Variants in ZC3H12B observed in about 807,000 individuals in gnomAD.
ZC3H12B encodes the protein zinc finger CCCH-type containing 12B, also known as probable ribonuclease ZC3H12B.
A neutral mutation model predicts 43.9 loss-of-function variants in ZC3H12B; 7 were observed. That is an observed-to-expected ratio of 0.16 (90% CI 0.09 to 0.30). ZC3H12B has a LOEUF of 0.30. Ranked by LOEUF, ZC3H12B falls within the 10% of genes least tolerant of loss-of-function variation. The pLI, the probability that ZC3H12B is intolerant of heterozygous loss-of-function variation, is 1.00. For missense variants in ZC3H12B, 475 were observed against 670.2 expected, an observed-to-expected ratio of 0.71 and a Z score of 3.22; for synonymous variants, 222 against 241.7, an observed-to-expected ratio of 0.92 and a Z score of 0.76.
chrX:65,408,022 G>A lies in ZC3H12B; in HGVS notation n.407+9318G>A, dbSNP rs749938973. ...CTTAATTTTCCTCGGCGGGATTAAA[G>A]TTGGAAATTGACCGGAGAATTGAGT... is the stretch of plus-strand genomic sequence containing the variant. On this transcript the variant is annotated intron_variant and non_coding_transcript_variant, in intron 3 of 5. Transcript: ENST00000617377. 7 of 1,111,273 alleles carry A rather than the reference G, an allele frequency of 6.3e-6. No individual in the cohort carries two copies. The Admixed American group carries it at 1.2e-4, about 19-fold the overall frequency. The allele number at this position is 1,111,273 out of a possible 1,213,427, so 91.6% of individuals were successfully genotyped here.
At chrX:65,227,296 G>A in the ZC3H12B span, among the ~76,000 whole-genome samples, 48 of 111,554 alleles carry the variant, frequency 4.3e-4, no homozygotes, top group African/African-American at 1.2e-3. Flanking sequence ...GGTACATAAC[G>A]AAATGAAGGC....
the ZC3H12B span, among the ~76,000 whole-genome samples, chrX:65,116,338 G>C: frequency 5.4e-5 from 6 of 110,888 alleles, no homozygotes; most frequent in Non-Finnish European, 1.1e-4. Context: ...TGTTTGCTTT[G>C]TCTAACATCA....
chrX:65,298,320 G>A, the ZC3H12B span, among the ~76,000 whole-genome samples: 4 of 111,284 alleles, frequency 3.6e-5, no homozygotes, highest in Admixed American at 3.8e-4. Context: ...ATCCCATCAA[G>A]AGAATTTAAA....
At chrX:65,171,281 G>A in the ZC3H12B span, among the ~76,000 whole-genome samples, 13 of 111,375 alleles carry the variant, frequency 1.2e-4, no homozygotes, top group African/African-American at 4.2e-4. Flanking sequence ...TCAGCTGCAG[G>A]TCTGTTGGAG....
At chrX:65,262,981 G>A in the ZC3H12B span, among the ~76,000 whole-genome samples, 1 of 110,669 alleles carries the variant, frequency 9.0e-6, no homozygotes, top group Non-Finnish European at 1.9e-5. Flanking sequence ...GTGGTTGAGA[G>A]TACCATTTTT....
At chrX:65,162,340 T>G in the ZC3H12B span, among the ~76,000 whole-genome samples, 1 of 112,236 alleles carries the variant, frequency 8.9e-6, no homozygotes, top group Non-Finnish European at 1.9e-5. Context: ...CAAGTTCTCC[T>G]GGATAATATC....
the ZC3H12B span, among the ~76,000 whole-genome samples, chrX:65,178,504 A>G: frequency 8.9e-6 from 1 of 112,529 alleles, no homozygotes; most frequent in Non-Finnish European, 1.9e-5. Flanking sequence ...ATATAATTGC[A>G]ATCTATCCAT....
the ZC3H12B span, among the ~76,000 whole-genome samples, chrX:65,056,591 A>G: frequency 8.9e-6 from 1 of 111,793 alleles, no homozygotes; most frequent in Non-Finnish European, 1.9e-5. Flanking sequence ...AGAGTTCTGT[A>G]GATGTCTATT....
chrX:65,179,338 A>G, the ZC3H12B span, among the ~76,000 whole-genome samples: 1 of 109,413 alleles, frequency 9.1e-6, no homozygotes, highest in African/African-American at 3.3e-5. Flanking sequence ...GCACACCACC[A>G]TGGCATGTGT....
At chrX:65,381,763 A>T (rs1312249642) in intron 2 of ZC3H12B, among the ~76,000 whole-genome samples, 1 of 112,154 alleles carries the variant, frequency 8.9e-6, no homozygotes, top group Non-Finnish European at 1.9e-5. Flanking sequence ...AAAAAATGAT[A>T]AAGGGGATAT....
At chrX:65,223,402 G>T in the ZC3H12B span, among the ~76,000 whole-genome samples, 1 of 111,885 alleles carries the variant, frequency 8.9e-6, no homozygotes, top group African/African-American at 3.2e-5. Flanking sequence ...ACCATTTTAG[G>T]CATTGGCTTA....
At chrX:65,374,902 A>AGT (rs1368091033) in intron 2 of ZC3H12B, among the ~76,000 whole-genome samples, 4 of 111,227 alleles carry the variant, frequency 3.6e-5, no homozygotes, top group Non-Finnish European at 7.5e-5. Flanking sequence ...GCATGAGGGT[A>AGT]ACTGCCCCCC....
the ZC3H12B span, among the ~76,000 whole-genome samples, chrX:65,036,987 GTT>G: frequency 4.1e-5 from 4 of 97,325 alleles, no homozygotes; most frequent in Admixed American, 2.2e-4. Context: ...CTGGAATGAA[GTT>G]TTTTTTTTTT....
the ZC3H12B span, among the ~76,000 whole-genome samples, chrX:65,251,760 G>T: frequency 1.8e-5 from 2 of 111,448 alleles, no homozygotes; most frequent in African/African-American, 6.6e-5. Context: ...GTATAAGAAT[G>T]CTTGTGATTT....
At chrX:65,132,793 C>G in the ZC3H12B span, among the ~76,000 whole-genome samples, 25 of 110,838 alleles carry the variant, frequency 2.3e-4, no homozygotes, top group Non-Finnish European at 4.0e-4. Flanking sequence ...GAGTGGATAG[C>G]CTCCGTAGTG....
At chrX:65,202,704 A>C in the ZC3H12B span, among the ~76,000 whole-genome samples, 4 of 111,328 alleles carry the variant, frequency 3.6e-5, no homozygotes, top group Non-Finnish European at 7.5e-5. Context: ...TGAAGCCAGC[A>C]CAGCATTGGA....
the ZC3H12B span, among the ~76,000 whole-genome samples, chrX:65,145,205 G>T: frequency 2.9e-4 from 31 of 106,467 alleles, no homozygotes; most frequent in African/African-American, 1.0e-3. Context: ...GTTGGACAAG[G>T]CCTTTTATCA....
chrX:65,267,460 TGAA>T, the ZC3H12B span, among the ~76,000 whole-genome samples: 28 of 103,435 alleles, frequency 2.7e-4, no homozygotes, highest in African/African-American at 3.2e-4. Context: ...CAACAAAAAA[TGAA>T]GAAGTATGCA....
chrX:65,451,376 C>T (rs2067508844), intron 3 of ZC3H12B, among the ~76,000 whole-genome samples: 2 of 111,740 alleles, frequency 1.8e-5, no homozygotes, highest in Non-Finnish European at 1.9e-5. Context: ...TAAGTGATTG[C>T]TTTGAATTCT....
Sources: gnomAD v4.1 joint callset for allele counts (sites outside exome capture counted in the v4.1 genomes callset) on GRCh38, gnomAD v4.1.1 for gene constraint, MANE v1.5 for transcripts, NCBI Gene and HGNC (gene_info 2026-07-23, HGNC 2026-07-21) for gene names.